The following FOXP1 variants were observed in gnomAD, a reference collection of about 807,000 sequenced individuals.
FOXP1 encodes forkhead box protein P1.
FOXP1 carries 15 observed loss-of-function variants against 98.2 expected under a neutral mutation model. The ratio of observed to expected loss-of-function variants is 0.15; its 90% CI spans 0.10 to 0.24. The LOEUF (loss-of-function observed/expected upper bound fraction) is 0.24. FOXP1 is among the 10% of genes least tolerant of loss of function. FOXP1 has a pLI of 1.00. For missense variants in FOXP1, 633 were observed against 848.5 expected (o/e 0.75, Z 3.15); for synonymous variants, 371 against 314.5 (o/e 1.18, Z -1.90).
At chr3:71,280,081 C>T (rs1055307682) in intron 5 of FOXP1, among the ~76,000 whole-genome samples, 1 of 145,462 alleles carries the variant, frequency 6.9e-6, no homozygotes, top group Non-Finnish European at 1.5e-5. Context: ...TGAGACTGCA[C>T]CACTGCACTC....
At chr3:71,162,046 G>A (rs147350394) in intron 6 of FOXP1, among the ~76,000 whole-genome samples, 11 of 152,246 alleles carry the variant, frequency 7.2e-5, no homozygotes, top group East Asian at 1.9e-4. Context: ...ATCCCTACCC[G>A]CAGTTTATGT....
chr3:71,411,825 C>G (rs1188585659), intron 3 of FOXP1, among the ~76,000 whole-genome samples: 2 of 152,190 alleles, frequency 1.3e-5, no homozygotes, highest in African/African-American at 2.4e-5. Context: ...CTGGGCAAGT[C>G]ACCTCATCTC....
intron 11 of FOXP1, among the ~76,000 whole-genome samples, chr3:71,034,173 G>A (rs1055237538): frequency 5.9e-5 from 9 of 152,164 alleles, no homozygotes; most frequent in Non-Finnish European, 2.9e-5. Flanking sequence ...TGGCAACGGG[G>A]ATTTTCCTGG....
intron 5 of FOXP1, among the ~76,000 whole-genome samples, chr3:71,228,522 G>A (rs2066019172): frequency 6.6e-6 from 1 of 152,174 alleles, no homozygotes; most frequent in South Asian, 2.1e-4. Context: ...TCAGTGTCAG[G>A]AAGATGCGTC....
At chr3:71,574,169 C>T (rs1370804295) in intron 2 of FOXP1, 1 of 152,050 alleles carries the variant, frequency 6.6e-6, no homozygotes, top group African/African-American at 2.4e-5. Flanking sequence ...GACGAATATC[C>T]CCAATGCTAC....
chr3:71,516,229 G>A lies in FOXP1; in HGVS notation c.-297-22674C>T, dbSNP rs552222052. 2.2e-4 allele frequency among the ~76,000 whole-genome samples: 34 copies of A among 152,288 alleles called. No individual in the cohort carries two copies. The South Asian group carries it at 7.0e-3, about 32-fold the overall frequency. On this transcript the variant is annotated intron_variant, in intron 2 of 20. Transcript: ENST00000649528. ...CATGCTGAAGCATTTTATGGTAAGG[G>A]TGCTTGAGATTTCAAACTTACTGTC... is the stretch of plus-strand genomic sequence containing the variant.
At chr3:71,325,361 G>C (rs758626958) in intron 4 of FOXP1, among the ~76,000 whole-genome samples, 2 of 152,098 alleles carry the variant, frequency 1.3e-5, no homozygotes, top group Non-Finnish European at 2.9e-5. Flanking sequence ...CCAATCCCTT[G>C]ATATTTAAAT....
intron 3 of FOXP1, among the ~76,000 whole-genome samples, chr3:71,457,927 G>T (rs1254870640): frequency 6.6e-6 from 1 of 152,122 alleles, no homozygotes; most frequent in Non-Finnish European, 1.5e-5. Flanking sequence ...TTGTGCTCCA[G>T]GCTTCCTTGC....
rs146185366 is a variant in FOXP1 at position 71,452,433 on chromosome 3, G to A, written c.-168+40993C>T. Among the ~76,000 whole-genome samples, 44 of 152,258 alleles carry A rather than the reference G, an allele frequency of 2.9e-4. No individual in the cohort carries two copies. In the East Asian group the frequency reaches 3.9e-3, roughly 13 times the overall value. On this transcript the variant is annotated intron_variant, in intron 3 of 20. Coordinates refer to ENST00000649528, the MANE Select transcript of FOXP1 (RefSeq NM_001349338.3). Reference sequence around the variant, plus strand: ...CAATGATACCTTATTTTCTAATGACGTGGCAACTCAAAGAGCCAGCAAGGC... The same window carrying A: ...CAATGATACCTTATTTTCTAATGACATGGCAACTCAAAGAGCCAGCAAGGC...
Position 71,156,584 on chromosome 3 carries a change from G to A in FOXP1, c.180+41618C>T, listed in dbSNP as rs150260936. 1.7e-3 allele frequency among the ~76,000 whole-genome samples: 259 copies of A among 152,354 alleles called. 2 individuals carry two copies. Among genetic ancestry groups the A allele is most frequent in the African/African-American group, 5.8e-3 (240 of 41,582 alleles). On this transcript the variant is annotated intron_variant, in intron 6 of 20. Transcript: ENST00000649528. ...CATTTGCAAAGGCACAGAGGTGTCA[G>A]AAGCCTGGAGAGTTCAGGGTCCTGC...
At chr3:71,290,822 T>A (rs2072671365) in intron 5 of FOXP1, among the ~76,000 whole-genome samples, 1 of 152,222 alleles carries the variant, frequency 6.6e-6, no homozygotes, top group Admixed American at 6.5e-5. Context: ...ATTTTGGGGT[T>A]AAGGATGCTT....
In FOXP1 at chr3:70,988,064, T is replaced by C; in HGVS notation, c.1076A>G (p.Lys359Arg). 6.2e-7 allele frequency: 1 copy of C among 1,614,146 alleles called. No homozygotes were observed. Among genetic ancestry groups the C allele is most frequent in the South Asian group, 1.1e-5 (1 of 91,084 alleles). Residue 359 changes from lysine (K) to arginine (R), a missense_variant, in exon 14 of 21, where the codon AAA becomes AGA. Around this residue, in one of 6 missense-constraint regions of FOXP1, gnomAD observed 23 missense variants for 92.9 expected, o/e 0.25. Coordinates refer to ENST00000649528, the MANE Select transcript of FOXP1 (RefSeq NM_001349338.3). ...QQLELQLAKD[K>R]ERLQAMMTHL... ...GGTCATCATGGCTTGCAGGCGTTCTTTGTCTTTTGCAAGCTGGCAAGAAGA... is the reference window on the plus strand; with the variant it reads ...GGTCATCATGGCTTGCAGGCGTTCTCTGTCTTTTGCAAGCTGGCAAGAAGA...
At position 71,046,848 on chromosome 3, in the gene FOXP1, T is replaced by G. The variant is rs1424233452; in HGVS notation, c.664+94A>C. On this transcript the variant is annotated intron_variant, in intron 10 of 20. Coordinates refer to ENST00000649528, the MANE Select transcript of FOXP1 (RefSeq NM_001349338.3). ...AAAAGAATCTATGTGCATGTTTTGATGGACAATGTCCTTAACAAATATACC... is the reference window on the plus strand; with the variant it reads ...AAAAGAATCTATGTGCATGTTTTGAGGGACAATGTCCTTAACAAATATACC... 1.4e-5 allele frequency: 20 copies of G among 1,388,456 alleles called. No homozygotes were observed. In the East Asian group the frequency reaches 1.8e-4, roughly 13 times the overall value. 86.0% of individuals were successfully genotyped at this position (1,388,456 alleles called of 1,614,324 possible).
At chr3:71,279,661 T>C (rs2071303008) in intron 5 of FOXP1, among the ~76,000 whole-genome samples, 1 of 152,196 alleles carries the variant, frequency 6.6e-6, no homozygotes, top group South Asian at 2.1e-4. Context: ...AATGGTTAGA[T>C]AAACTGCGAT....
chr3:71,326,290 A>G (rs2075685651), intron 4 of FOXP1, among the ~76,000 whole-genome samples: 1 of 152,218 alleles, frequency 6.6e-6, no homozygotes, highest in South Asian at 2.1e-4. Context: ...AACAGTCTGC[A>G]TTTGGAAGAG....
At chr3:71,145,466 C>T (rs141112603) in intron 6 of FOXP1, among the ~76,000 whole-genome samples, 306 of 151,938 alleles carry the variant, frequency 2.0e-3, no homozygotes, top group African/African-American at 5.3e-3. Context: ...TCGCTTGAAC[C>T]GGAGGGCAGA....
chr3:71,113,475 A>G (rs2107755744), intron 6 of FOXP1, among the ~76,000 whole-genome samples: 1 of 152,252 alleles, frequency 6.6e-6, no homozygotes, highest in African/African-American at 2.4e-5. Context: ...TCACGCCTGT[A>G]ATCCCAGCAC....
At chr3:71,163,968 A>G (rs2061275583) in intron 6 of FOXP1, among the ~76,000 whole-genome samples, 1 of 152,164 alleles carries the variant, frequency 6.6e-6, no homozygotes, top group Admixed American at 6.5e-5. Context: ...GGCGACTGTG[A>G]GAAGATCAAG....
intron 14 of FOXP1, among the ~76,000 whole-genome samples, chr3:70,985,408 G>A (rs1364022832): frequency 2.6e-5 from 4 of 151,954 alleles, no homozygotes; most frequent in Non-Finnish European, 4.4e-5. Context: ...TGGCAAAGAA[G>A]TGAAAATTTA....
Sources: allele counts gnomAD v4.1 joint callset (sites outside exome capture counted in the v4.1 genomes callset), GRCh38; gene constraint gnomAD v4.1.1; regional missense constraint gnomAD v4.1.1; transcripts MANE v1.5; gene names NCBI Gene and HGNC (gene_info 2026-07-23, HGNC 2026-07-21).